SAMD4A: variants seen among roughly 807,000 people sequenced by gnomAD.
SAMD4A encodes protein Smaug homolog 1.
SAMD4A carries 33 observed loss-of-function variants against 81.3 expected under a neutral mutation model. The observed-to-expected ratio is 0.41, with a 90% confidence interval of 0.31 to 0.54. The LOEUF (loss-of-function observed/expected upper bound fraction) is 0.54. Among genes scored for constraint, SAMD4A ranks in the 20% least tolerant of loss-of-function variants. SAMD4A has a pLI of 0.37. For missense variants in SAMD4A, 854 were observed against 951.1 expected (o/e 0.90, Z 1.34); for synonymous variants, 389 against 382.1 (o/e 1.02, Z -0.21).
chr14:54,566,665 G>T (rs1162031970), upstream of SAMD4A, among the ~76,000 whole-genome samples: 1 of 151,656 alleles, frequency 6.6e-6, no homozygotes, highest in Non-Finnish European at 1.5e-5. Flanking sequence ...GCGCTGTGCC[G>T]CCCTCGGCCT....
In SAMD4A at chr14:54,764,460, A is replaced by G; in HGVS notation, c.1516A>G (p.Thr506Ala). The G allele has an allele frequency of 6.2e-7, 1 of 1,605,044 alleles. No individual in the cohort carries two copies. Among genetic ancestry groups the G allele is most frequent in the Non-Finnish European group, 8.5e-7 (1 of 1,173,914 alleles). The change falls in exon 8 of 13, where the codon ACA (threonine) becomes GCA (alanine). Residue 506 changes from threonine (T) to alanine (A), a missense_variant. Coordinates refer to ENST00000554335, the MANE Select transcript of SAMD4A (RefSeq NM_015589.6). ...QFTRVMGKVC[T>A]QLLVSRPDEE... is the part of the protein sequence containing the mutation. The stretch of plus-strand genomic sequence containing the variant: ...TCTTTTCTTTTTAATTACAGTGTGC[A>G]CACAGCTCTTGGTCTCCAGACCTGA...
rs146030363 is a variant in SAMD4A at position 54,769,455 on chromosome 14, C to T, written c.1597-649C>T. On this transcript the variant is annotated intron_variant, in intron 8 of 12. Transcript: ENST00000554335. Reference sequence around the variant, plus strand: ...ACATAGGTAAGAGTTTGTTACAAGGCAGCAGGCAAAACACACACACCAGTT... The same window carrying T: ...ACATAGGTAAGAGTTTGTTACAAGGTAGCAGGCAAAACACACACACCAGTT... Among the ~76,000 whole-genome samples the T allele has an allele frequency of 3.9e-3, 600 of 152,264 alleles. 4 individuals are homozygous for T. Among genetic ancestry groups the T allele is most frequent in the African/African-American group, 0.014 (574 of 41,544 alleles).
chr14:54,614,553 CTTCT>C (rs754558446), intron 2 of SAMD4A, among the ~76,000 whole-genome samples: 2 of 152,188 alleles, frequency 1.3e-5, no homozygotes, highest in Non-Finnish European at 2.9e-5. Context: ...ATCTGGGCCT[CTTCT>C]TTCTTCTGTG....
chr14:54,760,431 C>T lies in SAMD4A; in HGVS notation c.1447C>T (p.Leu483=), dbSNP rs964674751. Residue 483 remains leucine (L), a synonymous_variant, in exon 7 of 13, where the codon CTG becomes TTG. Coordinates refer to ENST00000554335, the MANE Select transcript of SAMD4A (RefSeq NM_015589.6). ...CCAGCTGAGCAGCTGCGATGGGGAG[C>T]TGGCCGTCGCCCCCCTGCCAGAGGG... The part of the protein sequence containing the change: ...PHQLSSCDGE[L]AVAPLPEGDL... 7.0e-7 allele frequency: 1 copy of T among 1,433,518 alleles called. No homozygotes were observed. The allele number at this position is 1,433,518 out of a possible 1,614,324, so 88.8% of individuals were successfully genotyped here.
At chr14:54,595,301 G>A (rs1044381833) in intron 2 of SAMD4A, among the ~76,000 whole-genome samples, 1 of 151,854 alleles carries the variant, frequency 6.6e-6, no homozygotes, top group Non-Finnish European at 1.5e-5. Context: ...TATCTTATAA[G>A]TATACAATCA....
At chr14:54,765,642 A>T (rs1394484025) in intron 8 of SAMD4A, among the ~76,000 whole-genome samples, 2 of 151,836 alleles carry the variant, frequency 1.3e-5, no homozygotes, top group African/African-American at 2.4e-5. Context: ...AAAAAAAAAT[A>T]GTAAAGGCCC....
chr14:54,618,148 G>A (rs1267780172), intron 2 of SAMD4A, among the ~76,000 whole-genome samples: 1 of 152,176 alleles, frequency 6.6e-6, no homozygotes, highest in East Asian at 1.9e-4. Flanking sequence ...GTGCAACTCA[G>A]ATTAAAATTG....
chr14:54,603,209 A>G (rs1021777697), intron 2 of SAMD4A, among the ~76,000 whole-genome samples: 1 of 152,252 alleles, frequency 6.6e-6, no homozygotes, highest in East Asian at 1.9e-4. Context: ...TAGCATTTCC[A>G]TCAAGGGTAT....
At chr14:54,629,154 G>A (rs748164128) in intron 2 of SAMD4A, among the ~76,000 whole-genome samples, 3 of 152,098 alleles carry the variant, frequency 2.0e-5, no homozygotes. Context: ...AGAGCACCAG[G>A]TATTAATAAT....
chr14:54,648,860 G>A (rs2035342765), intron 2 of SAMD4A, among the ~76,000 whole-genome samples: 1 of 152,150 alleles, frequency 6.6e-6, no homozygotes, highest in Admixed American at 6.5e-5. Context: ...TAAGTGAGGA[G>A]GTGGGGGTTC....
chr14:54,786,945 A>T (rs568050154), intron 12 of SAMD4A, among the ~76,000 whole-genome samples: 1 of 152,304 alleles, frequency 6.6e-6, no homozygotes, highest in South Asian at 2.1e-4. Context: ...CCTCGTAAGC[A>T]GTTTCCTGAG....
chr14:54,727,166 C>CTTTTTTTTTTTTTTTTT lies in SAMD4A; in HGVS notation c.716-9833_716-9817dup, dbSNP rs567831973. Among the ~76,000 whole-genome samples the CTTTTTTTTTTTTTTTTT allele has an allele frequency of 4.2e-4, 25 of 59,184 alleles. 6 individuals are homozygous for CTTTTTTTTTTTTTTTTT. The highest frequency in any genetic ancestry group is 1.7e-3 in the South Asian group (2 of 1,184). 38.8% of individuals were successfully genotyped at this position (59,184 alleles called of 152,430 possible). On this transcript the variant is annotated intron_variant, in intron 3 of 12. Transcript: ENST00000554335. ...TTATCACAACAGCCTTCTTTTTTTC[C>CTTTTTTTTTTTTTTTTT]TTTTTTTTTTTTTTTTTTTTTTTTT...
chr14:54,569,175 C>T (rs892085136), intron 2 of SAMD4A, among the ~76,000 whole-genome samples: 3 of 152,114 alleles, frequency 2.0e-5, no homozygotes, highest in Non-Finnish European at 4.4e-5. Context: ...GAGCTGCGAG[C>T]CTGCAAAGCT....
intron 2 of SAMD4A, among the ~76,000 whole-genome samples, chr14:54,586,945 T>G (rs1307881038): frequency 6.6e-6 from 1 of 152,208 alleles, no homozygotes; most frequent in Non-Finnish European, 1.5e-5. Context: ...TTTTGGATTT[T>G]TTTTCTGATT....
At chr14:54,730,536 G>A (rs1040675757) in intron 3 of SAMD4A, among the ~76,000 whole-genome samples, 9 of 152,174 alleles carry the variant, frequency 5.9e-5, no homozygotes, top group Admixed American at 3.9e-4. Flanking sequence ...TAGGGGAATC[G>A]TCTTCTGGTG....
intron 8 of SAMD4A, among the ~76,000 whole-genome samples, chr14:54,766,029 C>A (rs1446247863): frequency 6.6e-6 from 1 of 152,176 alleles, no homozygotes; most frequent in Non-Finnish European, 1.5e-5. Flanking sequence ...GACACGCCAT[C>A]CTCTGAAATG....
At chr14:54,727,650 G>A (rs2037458715) in intron 3 of SAMD4A, among the ~76,000 whole-genome samples, 1 of 152,164 alleles carries the variant, frequency 6.6e-6, no homozygotes, top group Non-Finnish European at 1.5e-5. Context: ...CAAGTGCATG[G>A]GGAGACTTGA....
intron 2 of SAMD4A, among the ~76,000 whole-genome samples, chr14:54,625,808 T>G (rs1471542496): frequency 6.6e-6 from 1 of 152,210 alleles, no homozygotes; most frequent in Non-Finnish European, 1.5e-5. Context: ...TGGTCACTCT[T>G]ACTTGACTTT....
intron 2 of SAMD4A, among the ~76,000 whole-genome samples, chr14:54,627,080 T>C (rs773149420): frequency 1.2e-4 from 19 of 152,160 alleles, no homozygotes; most frequent in Non-Finnish European, 2.5e-4. Flanking sequence ...TCCTTAAAAA[T>C]TCGGAAAAAT....
Sources: allele counts gnomAD v4.1 joint callset (sites outside exome capture counted in the v4.1 genomes callset), GRCh38; gene constraint gnomAD v4.1.1; transcripts MANE v1.5; gene names NCBI Gene and HGNC (gene_info 2026-07-23, HGNC 2026-07-21).